KLHL32: variants seen among roughly 807,000 people sequenced by gnomAD.
The protein encoded by KLHL32 is kelch like family member 32, also known as kelch-like protein 32.
A neutral mutation model predicts 64.8 loss-of-function variants in KLHL32; 35 were observed. That is an observed-to-expected ratio of 0.54 (90% CI 0.41 to 0.72). The LOEUF (loss-of-function observed/expected upper bound fraction) is 0.72. Among genes scored for constraint, KLHL32 ranks in the 30% least tolerant of loss-of-function variants. The probability of loss-of-function intolerance (pLI) is 0.00; values close to 1 mark genes in which losing one functional copy is unlikely to be tolerated. For synonymous variants in KLHL32, 259 were observed against 281.0 expected, an observed-to-expected ratio of 0.92 and a Z score of 0.78; for missense variants, 589 against 768.5, an observed-to-expected ratio of 0.77 and a Z score of 2.76.
chr6:97,040,728 A>G (rs1175563167), intron 3 of KLHL32, among the ~76,000 whole-genome samples: 1 of 152,046 alleles, frequency 6.6e-6, no homozygotes. Flanking sequence ...TAATCCCCAC[A>G]TGTCAAGGGA....
At position 97,114,491 on chromosome 6, in the gene KLHL32, G is replaced by T. The variant is rs1180070761; in HGVS notation, c.1336G>T (p.Gly446Cys). 1 of 1,613,742 alleles carries T rather than the reference G, an allele frequency of 6.2e-7. No individual in the cohort carries two copies. Among genetic ancestry groups the T allele is most frequent in the Non-Finnish European group, 8.5e-7 (1 of 1,179,974 alleles). Reference protein sequence around the residue: ...LSCHAGYVADGLLWISGGVTN... With the variant: ...LSCHAGYVADCLLWISGGVTN... ...ATGCCATGCTGGATATGTGGCTGAT[G>T]GTCTTCTTTGGATATCAGGTAGAAC... Residue 446 changes from glycine to cysteine, a missense_variant, in exon 7 of 11, where the codon GGT becomes TGT. This residue lies in a region of KLHL32 where 226 missense variants were observed against 353.2 expected (regional missense o/e 0.64). Transcript: ENST00000369261.
At chr6:96,923,801 G>T (rs1364886970), upstream of KLHL32, among the ~76,000 whole-genome samples, 1 of 152,192 alleles carries the variant, frequency 6.6e-6, no homozygotes, top group African/African-American at 2.4e-5. Context: ...CACTCTTCCT[G>T]CTTCTGGTGT....
intron 3 of KLHL32, among the ~76,000 whole-genome samples, chr6:97,015,141 A>C (rs767045031): frequency 3.9e-4 from 60 of 152,166 alleles, no homozygotes; most frequent in African/African-American, 1.3e-3. Context: ...AGGCCTCCCT[A>C]GCCATGTGCA....
At chr6:97,080,356 T>C (rs897563028) in intron 5 of KLHL32, among the ~76,000 whole-genome samples, 1 of 152,220 alleles carries the variant, frequency 6.6e-6, no homozygotes, top group African/African-American at 2.4e-5. Flanking sequence ...TGGGCTATTC[T>C]GTTTTTGCCT....
In KLHL32 at chr6:97,139,417, A is replaced by T; in HGVS notation, c.*135A>T. 1 of 748,714 alleles carries T rather than the reference A, an allele frequency of 1.3e-6. No individual in the cohort carries two copies. Among genetic ancestry groups the T allele is most frequent in the Non-Finnish European group, 2.1e-6 (1 of 470,182 alleles). 46.4% of individuals were successfully genotyped at this position (748,714 alleles called of 1,614,324 possible). On this transcript the variant is annotated 3_prime_UTR_variant, in exon 11 of 11. Coordinates refer to ENST00000369261, the MANE Select transcript of KLHL32 (RefSeq NM_052904.4). ...TTCGGATAAATTTAAGCAAAAAATG[A>T]ACAATTTTCTAAAATACGTTATTGA... is the stretch of plus-strand genomic sequence containing the variant.
chr6:96,992,971 G>A (rs1422491665), intron 3 of KLHL32, among the ~76,000 whole-genome samples: 1 of 152,206 alleles, frequency 6.6e-6, no homozygotes, highest in Non-Finnish European at 1.5e-5. Flanking sequence ...TAAGCTGCTT[G>A]TAAGATGAAA....
intron 3 of KLHL32, among the ~76,000 whole-genome samples, chr6:97,005,356 T>A (rs1779538523): frequency 6.6e-6 from 1 of 152,128 alleles, no homozygotes; most frequent in Non-Finnish European, 1.5e-5. Context: ...TGTGTTTTTT[T>A]AGATCTTCTC....
chr6:97,053,870 A>AG (rs1787359359), intron 4 of KLHL32, among the ~76,000 whole-genome samples: 2 of 152,074 alleles, frequency 1.3e-5, no homozygotes, highest in Non-Finnish European at 2.9e-5. Context: ...TAGTCTGTGC[A>AG]TATACTACAC....
chr6:96,947,555 C>T (rs936576955), intron 1 of KLHL32, among the ~76,000 whole-genome samples: 2 of 152,108 alleles, frequency 1.3e-5, no homozygotes, highest in African/African-American at 4.8e-5. Flanking sequence ...ACAGGGTTAT[C>T]ACATCTCTTC....
intron 1 of KLHL32, among the ~76,000 whole-genome samples, chr6:96,932,708 A>G (rs1770086388): frequency 6.6e-6 from 1 of 151,932 alleles, no homozygotes; most frequent in South Asian, 2.1e-4. Context: ...TTGGAACTAT[A>G]GGTGTGTATC....
At chr6:97,106,144 C>T (rs1455251537) in intron 6 of KLHL32, among the ~76,000 whole-genome samples, 1 of 152,028 alleles carries the variant, frequency 6.6e-6, no homozygotes, top group East Asian at 1.9e-4. Context: ...GTGTGTTTCA[C>T]ATGAACAATA....
chr6:97,118,352 C>T (rs1798013294), intron 7 of KLHL32, among the ~76,000 whole-genome samples: 1 of 152,168 alleles, frequency 6.6e-6, no homozygotes, highest in Admixed American at 6.5e-5. Flanking sequence ...GGTGCAGTGG[C>T]TCACGCCAGT....
intron 3 of KLHL32, among the ~76,000 whole-genome samples, chr6:97,033,307 A>C (rs1440325320): frequency 1.3e-5 from 2 of 152,170 alleles, no homozygotes; most frequent in Non-Finnish European, 2.9e-5. Flanking sequence ...TATTTCACTT[A>C]GCATAATGTC....
At chr6:97,113,502 AAATC>A (rs1797444098) in intron 6 of KLHL32, among the ~76,000 whole-genome samples, 1 of 152,180 alleles carries the variant, frequency 6.6e-6, no homozygotes, top group Non-Finnish European at 1.5e-5. Context: ...CATTCTTTGA[AAATC>A]AATTACTGTT....
intron 6 of KLHL32, among the ~76,000 whole-genome samples, chr6:97,103,558 A>G (rs1796027786): frequency 6.6e-6 from 1 of 152,200 alleles, no homozygotes; most frequent in East Asian, 1.9e-4. Context: ...AGTCACCTTA[A>G]TAAATTTGAA....
At chr6:96,953,804 A>G (rs1466532203) in intron 1 of KLHL32, among the ~76,000 whole-genome samples, 2 of 150,904 alleles carry the variant, frequency 1.3e-5, no homozygotes, top group African/African-American at 4.9e-5. Flanking sequence ...TAATCAAACC[A>G]TGATTACTTT....
At chr6:97,043,629 G>T (rs1785463813) in intron 4 of KLHL32, among the ~76,000 whole-genome samples, 1 of 152,080 alleles carries the variant, frequency 6.6e-6, no homozygotes, top group Non-Finnish European at 1.5e-5. Context: ...CTTTTTTGAA[G>T]AACCTCCATA....
intron 6 of KLHL32, among the ~76,000 whole-genome samples, chr6:97,086,959 G>A (rs565261520): frequency 2.6e-5 from 4 of 152,288 alleles, no homozygotes; most frequent in South Asian, 4.1e-4. Context: ...TTTTTGTGGC[G>A]CAGTTGAAGG....
At chr6:97,108,282 T>G (rs1796674508) in intron 6 of KLHL32, among the ~76,000 whole-genome samples, 1 of 152,186 alleles carries the variant, frequency 6.6e-6, no homozygotes, top group Admixed American at 6.5e-5. Context: ...TAAGATAGAA[T>G]AGGATTCAGC....
Sources: gnomAD v4.1 joint callset for allele counts (sites outside exome capture counted in the v4.1 genomes callset) on GRCh38, gnomAD v4.1.1 for gene constraint, gnomAD v4.1.1 regional missense constraint, MANE v1.5 for transcripts, NCBI Gene and HGNC (gene_info 2026-07-23, HGNC 2026-07-21) for gene names.